The following RYR2 variants were observed in gnomAD, a reference collection of about 807,000 sequenced individuals.
The protein encoded by RYR2 is cardiac muscle ryanodine receptor-calcium release channel.
Under a neutral mutation model 601.1 loss-of-function variants are expected in RYR2, and 227 were observed. That is an observed-to-expected ratio of 0.38 (90% CI 0.34 to 0.42). The LOEUF is 0.42. Among genes scored for constraint, RYR2 ranks in the 10% least tolerant of loss-of-function variants. The probability of loss-of-function intolerance (pLI) is 1.00; values close to 1 mark genes in which losing one functional copy is unlikely to be tolerated. For synonymous variants in RYR2, 2,223 were observed against 2,175.1 expected, an observed-to-expected ratio of 1.02 and a Z score of -0.61; for missense variants, 4,646 against 6,156.5, an observed-to-expected ratio of 0.75 and a Z score of 8.21.
intron 35 of RYR2, among the ~76,000 whole-genome samples, chr1:237,603,308 T>C (rs1398398104): frequency 1.3e-5 from 2 of 151,992 alleles, no homozygotes; most frequent in African/African-American, 4.8e-5. Context: ...CCATGAGAAG[T>C]GTAGAATAAG....
At chr1:237,602,141 TG>T in intron 35 of RYR2, 30 bp downstream of exon 35, 2 of 1,550,922 alleles carry the variant, frequency 1.3e-6, no homozygotes, top group Non-Finnish European at 8.9e-7. Context: ...GTATTGTATT[TG>T]TATTTTTTCT....
chr1:237,105,257 G>A (rs1333489999), intron 1 of RYR2, among the ~76,000 whole-genome samples: 2 of 152,168 alleles, frequency 1.3e-5, no homozygotes, highest in Non-Finnish European at 2.9e-5. Context: ...GCCCTCATGG[G>A]GCTGAGAGTC....
chr1:237,158,831 G>A lies in RYR2; in HGVS notation c.49-111666G>A, dbSNP rs181388058. On this transcript the variant is annotated intron_variant, in intron 1 of 104. Transcript: ENST00000366574. Reference sequence around the variant, plus strand: ...AGTGGATCTAGTTCCATGGGCCTAAGACTGAGGCCCATAGTCTCTAATGTG... The same window carrying A: ...AGTGGATCTAGTTCCATGGGCCTAAAACTGAGGCCCATAGTCTCTAATGTG... Among the ~76,000 whole-genome samples, 11 of 152,340 alleles carry A rather than the reference G, an allele frequency of 7.2e-5. No individual in the cohort carries two copies. The East Asian group carries it at 2.1e-3, about 29-fold the overall frequency.
chr1:237,127,938 CG>C, intron 1 of RYR2, among the ~76,000 whole-genome samples: 1 of 150,392 alleles, frequency 6.6e-6, no homozygotes, highest in South Asian at 2.1e-4. Context: ...ACATCCCAGA[CG>C]ATGGGCGGCC....
chr1:237,169,549 G>T (rs958250680), intron 1 of RYR2, among the ~76,000 whole-genome samples: 2 of 151,538 alleles, frequency 1.3e-5, no homozygotes, highest in Admixed American at 1.3e-4. Flanking sequence ...CCATCACCTC[G>T]ACCTCCCAAA....
intron 1 of RYR2, among the ~76,000 whole-genome samples, chr1:237,102,221 A>C (rs9428660): frequency 0.43 from 65,527 of 152,006 alleles, 15,069 homozygotes; most frequent in East Asian, 0.7. Flanking sequence ...GGAGTGCTCC[A>C]AGGGAGCAAG....
At chr1:237,620,115 T>G (rs1678917801) in intron 38 of RYR2, among the ~76,000 whole-genome samples, 1 of 152,138 alleles carries the variant, frequency 6.6e-6, no homozygotes, top group African/African-American at 2.4e-5. Context: ...GCAAAAATCA[T>G]AAAACTGATG....
intron 25 of RYR2, among the ~76,000 whole-genome samples, chr1:237,534,824 T>C (rs564944679): frequency 3.9e-5 from 6 of 151,984 alleles, no homozygotes; most frequent in Non-Finnish European, 7.4e-5. Flanking sequence ...AATATTTTGG[T>C]TTCATTTATT....
chr1:237,788,397 C>T (rs1657917498), intron 92 of RYR2, among the ~76,000 whole-genome samples: 1 of 152,176 alleles, frequency 6.6e-6, no homozygotes, highest in Admixed American at 6.5e-5. Flanking sequence ...CAGGACAGTG[C>T]TCCCAGTGTC....
intron 2 of RYR2, among the ~76,000 whole-genome samples, chr1:237,316,036 G>C (rs1190977519): frequency 6.6e-6 from 1 of 152,098 alleles, no homozygotes; most frequent in African/African-American, 2.4e-5. Flanking sequence ...GGGGCAGGGG[G>C]ATCAGGTTAG....
At chr1:237,380,413 TATATATATA>T (rs1255023064) in intron 8 of RYR2, among the ~76,000 whole-genome samples, 13 of 43,732 alleles carry the variant, frequency 3.0e-4, no homozygotes, top group African/African-American at 9.6e-4. Flanking sequence ...TATATATATA[TATATATATA>T]GTAAATACGA....
At chr1:237,561,529 C>T (rs148208744) in intron 27 of RYR2, among the ~76,000 whole-genome samples, 1 of 152,182 alleles carries the variant, frequency 6.6e-6, no homozygotes, top group East Asian at 1.9e-4. Flanking sequence ...AAGGCCATCG[C>T]TACTAGAAAG....
At chr1:237,505,641 A>G (rs1039407431) in intron 22 of RYR2, among the ~76,000 whole-genome samples, 2 of 152,198 alleles carry the variant, frequency 1.3e-5, no homozygotes, top group Admixed American at 6.5e-5. Flanking sequence ...ACTAGATGAC[A>G]TCATGGTAGA....
intron 80 of RYR2, among the ~76,000 whole-genome samples, chr1:237,743,797 A>G (rs1361761499): frequency 2.0e-5 from 3 of 152,220 alleles, no homozygotes; most frequent in Non-Finnish European, 4.4e-5. Flanking sequence ...TTCCTTTGAC[A>G]CAAGTTTATT....
At chr1:237,758,736 G>A (rs1693164924) in intron 82 of RYR2, among the ~76,000 whole-genome samples, 1 of 152,162 alleles carries the variant, frequency 6.6e-6, no homozygotes, top group African/African-American at 2.4e-5. Flanking sequence ...TTGTAGAGAA[G>A]CAGTATTCTT....
intron 1 of RYR2, among the ~76,000 whole-genome samples, chr1:237,151,400 A>G (rs1043148108): frequency 1.3e-5 from 2 of 152,224 alleles, no homozygotes; most frequent in Non-Finnish European, 2.9e-5. Context: ...TTAGCGATGC[A>G]TAAGACACCC....
rs1688615429 is a variant in RYR2, at chr1:237,709,117, T to C, written c.10142+19T>C. ...ATAACAGGTATGATCAAAAGTAATT[T>C]AGTAATTTCTCCAATTCGGTCATAA... On this transcript the variant is annotated intron_variant, in intron 69 of 104. Transcript: ENST00000366574. The C allele has an allele frequency of 1.3e-6, 2 of 1,538,588 alleles. No individual in the cohort carries two copies. The highest frequency in any genetic ancestry group is 4.3e-5 in the Admixed American group (2 of 46,706).
At chr1:237,089,191 G>A (rs915714594) in intron 1 of RYR2, among the ~76,000 whole-genome samples, 2 of 152,168 alleles carry the variant, frequency 1.3e-5, no homozygotes, top group African/African-American at 4.8e-5. Context: ...CAGTGTGGGG[G>A]TAACTGTATT....
intron 94 of RYR2, 43 bp downstream of exon 94, chr1:237,792,366 T>TGTGTGTGCGCAC (rs781440406): frequency 3.7e-6 from 3 of 805,188 alleles, no homozygotes; most frequent in Non-Finnish European, 5.5e-6. Context: ...TGTGTGTGTG[T>TGTGTGTGCGCAC]GTGTGTGTGT....
Sources: allele counts gnomAD v4.1 joint callset (sites outside exome capture counted in the v4.1 genomes callset), GRCh38; gene constraint gnomAD v4.1.1; transcripts MANE v1.5; gene names NCBI Gene and HGNC (gene_info 2026-07-23, HGNC 2026-07-21).